ARMH4: variants seen among roughly 807,000 people sequenced by gnomAD.
ARMH4 encodes armadillo like helical domain containing 4, also known as armadillo-like helical domain-containing protein 4.
In ARMH4, 49 loss-of-function variants were observed where a neutral mutation model predicts 61.9. The observed-to-expected ratio is 0.79, with a 90% CI of 0.63 to 1.00. The LOEUF (loss-of-function observed/expected upper bound fraction) is 1.00, where lower values mean the gene tolerates loss of function less well. Ranked by LOEUF, ARMH4 falls within the 50% of genes least tolerant of loss-of-function variation. ARMH4 has a pLI of 0.00. For synonymous variants in ARMH4, 368 were observed against 341.5 expected (o/e 1.08, Z -0.85); for missense variants, 934 against 930.0 (o/e 1.00, Z -0.06).
chr14:58,032,221 C>A (rs557700127), intron 5 of ARMH4, among the ~76,000 whole-genome samples: 2 of 152,236 alleles, frequency 1.3e-5, no homozygotes, highest in South Asian at 2.1e-4. Flanking sequence ...AGCTCCAGCA[C>A]CAGAGAAGGC....
At chr14:58,149,745 T>G (rs1373193535) in intron 1 of ARMH4, among the ~76,000 whole-genome samples, 1 of 152,230 alleles carries the variant, frequency 6.6e-6, no homozygotes, top group Admixed American at 6.5e-5. Context: ...AGTTTTCTTG[T>G]TGCAAAGTAG....
At chr14:58,068,610 A>C (rs1318054870) in intron 5 of ARMH4, among the ~76,000 whole-genome samples, 1 of 152,152 alleles carries the variant, frequency 6.6e-6, no homozygotes, top group African/African-American at 2.4e-5. Flanking sequence ...AGCAAACTAC[A>C]CTTGTTTCTC....
chr14:58,007,309 C>A (rs1882214128), intron 6 of ARMH4, among the ~76,000 whole-genome samples: 1 of 152,096 alleles, frequency 6.6e-6, no homozygotes, highest in African/African-American at 2.4e-5. Context: ...CACACTTAAG[C>A]CTTTTACTTA....
intron 3 of ARMH4, 61 bp from the exon 4 acceptor site, chr14:58,131,782 T>G: frequency 6.7e-7 from 1 of 1,503,190 alleles, no homozygotes; most frequent in Non-Finnish European, 9.2e-7. Flanking sequence ...AATGTAAGCA[T>G]GTGCTTTCAC....
chr14:58,146,938 C>A (rs925227989), intron 1 of ARMH4, among the ~76,000 whole-genome samples: 13 of 152,348 alleles, frequency 8.5e-5, no homozygotes, highest in Non-Finnish European at 1.5e-4. Flanking sequence ...GCTCAAGACA[C>A]AGGAGGGCTG....
At chr14:58,114,820 C>T (rs1886467078) in intron 4 of ARMH4, among the ~76,000 whole-genome samples, 1 of 151,972 alleles carries the variant, frequency 6.6e-6, no homozygotes, top group Non-Finnish European at 1.5e-5. Context: ...TCAATAAAGT[C>T]AACAATAACA....
In ARMH4 at chr14:58,085,625, T is replaced by C. The variant is rs72714802; in HGVS notation, c.2089+11099A>G. Among the ~76,000 whole-genome samples the C allele has an allele frequency of 7.2e-3, 1,097 of 152,272 alleles. 5 individuals are homozygous for C. Among genetic ancestry groups the C allele is most frequent in the Non-Finnish European group, 0.011 (760 of 68,014 alleles). Reference sequence around the variant, plus strand: ...GCATTTGTAATAAAAGAAATGTGATTTTTTCCAATTCTCTAATTCAATATA... The same window carrying C: ...GCATTTGTAATAAAAGAAATGTGATCTTTTCCAATTCTCTAATTCAATATA... On this transcript the variant is annotated intron_variant, in intron 5 of 7. Transcript: ENST00000267485.
chr14:58,101,661 T>G (rs1052895886), intron 4 of ARMH4: 1 of 152,018 alleles, frequency 6.6e-6, no homozygotes, highest in Non-Finnish European at 1.5e-5. Flanking sequence ...CACAACTTTG[T>G]TTGGAGATTT....
At chr14:58,030,846 C>T (rs939697476) in intron 5 of ARMH4, among the ~76,000 whole-genome samples, 2 of 152,132 alleles carry the variant, frequency 1.3e-5, no homozygotes, top group African/African-American at 4.8e-5. Context: ...GAATAATATT[C>T]CTCTAGATAT....
intron 6 of ARMH4, among the ~76,000 whole-genome samples, chr14:58,005,669 G>C (rs2141123690): frequency 6.6e-6 from 1 of 152,250 alleles, no homozygotes; most frequent in East Asian, 1.9e-4. Flanking sequence ...CTCCCTCTCT[G>C]TCTGTCTTGG....
At chr14:58,118,903 A>G (rs1388791891) in intron 4 of ARMH4, among the ~76,000 whole-genome samples, 1 of 152,212 alleles carries the variant, frequency 6.6e-6, no homozygotes, top group Non-Finnish European at 1.5e-5. Flanking sequence ...GAGCATGTGA[A>G]GCAGACACCT....
chr14:58,112,152 C>A (rs1295565798), intron 4 of ARMH4, among the ~76,000 whole-genome samples: 1 of 152,118 alleles, frequency 6.6e-6, no homozygotes, highest in Admixed American at 6.5e-5. Flanking sequence ...ACAATTCAGT[C>A]CATAACACTG....
chr14:58,106,801 T>TG (rs1886180494), intron 4 of ARMH4, among the ~76,000 whole-genome samples: 1 of 122,404 alleles, frequency 8.2e-6, no homozygotes, highest in African/African-American at 2.5e-5. Context: ...ACTTGGTAGG[T>TG]GAAAAAAAAA....
chr14:58,103,746 T>A (rs1431471048), intron 4 of ARMH4, among the ~76,000 whole-genome samples: 1 of 152,078 alleles, frequency 6.6e-6, no homozygotes, highest in Non-Finnish European at 1.5e-5. Flanking sequence ...AGCCACTGTG[T>A]CTGACCCCAT....
chr14:58,056,292 T>C (rs755163055), intron 5 of ARMH4, among the ~76,000 whole-genome samples: 4 of 152,242 alleles, frequency 2.6e-5, no homozygotes, highest in Non-Finnish European at 5.9e-5. Flanking sequence ...ATATCTATAG[T>C]ATCTTTATCA....
intron 5 of ARMH4, among the ~76,000 whole-genome samples, chr14:58,016,277 A>C (rs931370434): frequency 2.0e-5 from 3 of 152,192 alleles, no homozygotes; most frequent in Non-Finnish European, 4.4e-5. Flanking sequence ...GGTTATGTCT[A>C]TAGAGTATTA....
intron 5 of ARMH4, among the ~76,000 whole-genome samples, chr14:58,016,737 A>C (rs931756049): frequency 1.3e-5 from 2 of 152,172 alleles, no homozygotes; most frequent in African/African-American, 2.4e-5. Context: ...TCTTTCTTGA[A>C]ATTTTATTTA....
chr14:58,004,635 G>T lies in ARMH4; in HGVS notation c.*101C>A. On this transcript the variant is annotated 3_prime_UTR_variant, in exon 8 of 8. Transcript: ENST00000267485. ...CAGCAGACACTAGGACTAACGGCCTGATAGCAGCAATGTGGCAGGTTGTTC... is the reference window on the plus strand; with the variant it reads ...CAGCAGACACTAGGACTAACGGCCTTATAGCAGCAATGTGGCAGGTTGTTC... The T allele has an allele frequency of 9.8e-7, 1 of 1,016,622 alleles. No homozygotes were observed. Among genetic ancestry groups the T allele is most frequent in the Non-Finnish European group, 1.5e-6 (1 of 666,440 alleles). The allele number at this position is 1,016,622 out of a possible 1,614,324, so 63.0% of individuals were successfully genotyped here. A position where few individuals can be genotyped will look rare whatever the true frequency, so the allele number is the denominator to read the frequency against.
intron 5 of ARMH4, among the ~76,000 whole-genome samples, chr14:58,071,169 A>G (rs569137937): frequency 4.0e-5 from 6 of 149,648 alleles, no homozygotes; most frequent in African/African-American, 1.5e-4. Context: ...TATATTATAT[A>G]CAATAGTACG....
Sources: allele counts gnomAD v4.1 joint callset (sites outside exome capture counted in the v4.1 genomes callset), GRCh38; gene constraint gnomAD v4.1.1; transcripts MANE v1.5; gene names NCBI Gene and HGNC (gene_info 2026-07-23, HGNC 2026-07-21).